Variants in GADL1 observed in about 807,000 individuals in gnomAD.
GADL1 encodes the protein GAD like acidic amino acid decarboxylase 1.
A neutral mutation model predicts 69.5 loss-of-function variants in GADL1; 71 were observed. The ratio of observed to expected loss-of-function variants is 1.02; its 90% confidence interval spans 0.84 to 1.25. The LOEUF is 1.25. GADL1 is among the 50% of genes most tolerant of loss of function. GADL1 has a pLI of 0.00. For missense variants in GADL1, 737 were observed against 631.8 expected (o/e 1.17, Z -1.79); for synonymous variants, 254 against 214.4 (o/e 1.18, Z -1.62).
At chr3:30,792,448 C>T (rs1196502510) in intron 12 of GADL1, among the ~76,000 whole-genome samples, 1 of 152,102 alleles carries the variant, frequency 6.6e-6, no homozygotes, top group Non-Finnish European at 1.5e-5. Flanking sequence ...AAGTGTACAT[C>T]CGTGGTCCCA....
chr3:30,803,323 C>T (rs1393635831), intron 11 of GADL1, among the ~76,000 whole-genome samples: 1 of 152,178 alleles, frequency 6.6e-6, no homozygotes, highest in Non-Finnish European at 1.5e-5. Flanking sequence ...ATAGCAACTA[C>T]ACTGACCATA....
chr3:30,845,060 G>C (rs895931440), intron 6 of GADL1, among the ~76,000 whole-genome samples: 1 of 152,150 alleles, frequency 6.6e-6, no homozygotes, highest in African/African-American at 2.4e-5. Flanking sequence ...TGAGTTATAA[G>C]TGCTGATCAG....
At chr3:30,800,604 G>A in intron 12 of GADL1, 2 of 412,856 alleles carry the variant, frequency 4.8e-6, no homozygotes, top group Non-Finnish European at 8.9e-6. Context: ...ACCTCACCTT[G>A]CCAAAAATGA....
rs1368305726 is a variant in GADL1 at position 30,814,051 on chromosome 3, C to T, written c.1051-12963G>A. On this transcript the variant is annotated intron_variant, in intron 11 of 14. Coordinates refer to ENST00000282538, the MANE Select transcript of GADL1 (RefSeq NM_207359.3). ...CAAGGAAAAAGGAAATTACATTTATCGTGTGCTTACTACTTGATTAACAAT... is the reference window on the plus strand; with the variant it reads ...CAAGGAAAAAGGAAATTACATTTATTGTGTGCTTACTACTTGATTAACAAT... Among the ~76,000 whole-genome samples the T allele has an allele frequency of 2.6e-5, 4 of 152,142 alleles. No individual in the cohort carries two copies. The East Asian group carries it at 7.7e-4, about 29-fold the overall frequency.
chr3:30,759,189 G>T (rs746278704), intron 14 of GADL1, among the ~76,000 whole-genome samples: 29 of 152,122 alleles, frequency 1.9e-4, no homozygotes, highest in Admixed American at 1.1e-3. Context: ...CAGCTCCCTG[G>T]GCAGCCCAGT....
At chr3:30,836,936 C>T (rs542594476) in intron 9 of GADL1, among the ~76,000 whole-genome samples, 21 of 149,954 alleles carry the variant, frequency 1.4e-4, no homozygotes, top group Non-Finnish European at 2.8e-4. Context: ...GTTTAAAAAA[C>T]GCATTATATT....
At chr3:30,753,174 A>T (rs1357731774) in intron 14 of GADL1, among the ~76,000 whole-genome samples, 2 of 152,074 alleles carry the variant, frequency 1.3e-5, no homozygotes, top group Non-Finnish European at 2.9e-5. Flanking sequence ...AATATTAACC[A>T]CGCTACACAG....
chr3:30,839,266 A>T (rs1035709752), intron 8 of GADL1, among the ~76,000 whole-genome samples, 153 bp from the exon 9 acceptor site: 1 of 152,174 alleles, frequency 6.6e-6, no homozygotes, highest in African/African-American at 2.4e-5. Flanking sequence ...AATTTTGTGA[A>T]TATGTGGCCT....
At chr3:30,768,622 C>T (rs1488529061) in intron 14 of GADL1, among the ~76,000 whole-genome samples, 1 of 151,728 alleles carries the variant, frequency 6.6e-6, no homozygotes, top group East Asian at 1.9e-4. Flanking sequence ...GGTGCAAAGA[C>T]CTCTGAGGCA....
intron 14 of GADL1, among the ~76,000 whole-genome samples, chr3:30,763,936 TAAAA>T: frequency 6.6e-6 from 1 of 152,114 alleles, no homozygotes; most frequent in South Asian, 2.1e-4. Context: ...CTCTTGATAA[TAAAA>T]AGGAAAAAAT....
intron 11 of GADL1, among the ~76,000 whole-genome samples, chr3:30,807,813 CTG>C (rs759494131): frequency 3.9e-5 from 6 of 152,074 alleles, no homozygotes; most frequent in Admixed American, 3.3e-4. Flanking sequence ...GGGCAGATCA[CTG>C]GAGGTCAGGA....
chr3:30,893,160 C>T lies in GADL1; in HGVS notation c.37+1418G>A, dbSNP rs1698807517. Among the ~76,000 whole-genome samples the T allele has an allele frequency of 3.3e-5, 5 of 152,300 alleles. No individual in the cohort carries two copies. The South Asian group carries it at 1.0e-3, about 32-fold the overall frequency. ...CGTGAGCCATCATGCCCAGCCTAACCAAATATTTAAATAAGTATGTGCTGA... is the reference window on the plus strand; with the variant it reads ...CGTGAGCCATCATGCCCAGCCTAACTAAATATTTAAATAAGTATGTGCTGA... On this transcript the variant is annotated intron_variant, in intron 1 of 14. Coordinates refer to ENST00000282538, the MANE Select transcript of GADL1 (RefSeq NM_207359.3).
chr3:30,857,305 A>C (rs981492944), intron 2 of GADL1, among the ~76,000 whole-genome samples, 164 bp from the exon 3 acceptor site: 1 of 152,032 alleles, frequency 6.6e-6, no homozygotes, highest in African/African-American at 2.4e-5. Context: ...GTAGATGTTG[A>C]TGGGACCAAT....
intron 9 of GADL1, 48 bp from the exon 10 acceptor site, chr3:30,834,329 T>C (rs1341924681): frequency 9.4e-6 from 14 of 1,483,686 alleles, no homozygotes; most frequent in Non-Finnish European, 1.3e-5. Flanking sequence ...CAATGTTATT[T>C]GTTTACCAGT....
chr3:30,727,286 T>C lies in GADL1; in HGVS notation c.*956A>G, dbSNP rs918544386. 9 of 150,984 alleles carry C rather than the reference T, an allele frequency of 6.0e-5. No homozygotes were observed. Among genetic ancestry groups the C allele is most frequent in the Admixed American group, 6.0e-4 (9 of 15,124 alleles). 9.4% of individuals were successfully genotyped at this position (150,984 alleles called of 1,614,324 possible). A position where few individuals can be genotyped will look rare whatever the true frequency, so the allele number is the denominator to read the frequency against. On this transcript the variant is annotated 3_prime_UTR_variant, in exon 15 of 15. Coordinates refer to ENST00000282538, the MANE Select transcript of GADL1 (RefSeq NM_207359.3). The stretch of plus-strand genomic sequence containing the variant: ...CAGTTGTCTACCAAGAAAAAACTAA[T>C]ATGGATATTACATGCATTTCTATTT...
chr3:30,741,059 T>A (rs575474874), intron 14 of GADL1, among the ~76,000 whole-genome samples: 3 of 137,030 alleles, frequency 2.2e-5, no homozygotes, highest in Non-Finnish European at 4.6e-5. Flanking sequence ...ATCAGATATA[T>A]AAATGTTTGT....
intron 13 of GADL1, among the ~76,000 whole-genome samples, chr3:30,783,156 A>T (rs534544777): frequency 6.6e-6 from 1 of 152,310 alleles, no homozygotes; most frequent in Non-Finnish European, 1.5e-5. Context: ...GTCCTCGAAG[A>T]TCTTCTATAA....
chr3:30,893,197 T>C (rs1698808131), intron 1 of GADL1, among the ~76,000 whole-genome samples: 1 of 152,216 alleles, frequency 6.6e-6, no homozygotes, highest in Admixed American at 6.5e-5. Flanking sequence ...CCTAGAAACA[T>C]TAAGAGTCTG....
At chr3:30,845,504 AT>A (rs1453325492) in intron 6 of GADL1, among the ~76,000 whole-genome samples, 4 of 152,104 alleles carry the variant, frequency 2.6e-5, no homozygotes, top group Admixed American at 6.5e-5. Flanking sequence ...AAATGTGGTA[AT>A]TTTTTTCCTT....
Sources: allele counts gnomAD v4.1 joint callset (sites outside exome capture counted in the v4.1 genomes callset), GRCh38; gene constraint gnomAD v4.1.1; transcripts MANE v1.5; gene names NCBI Gene and HGNC (gene_info 2026-07-23, HGNC 2026-07-21).